SPOCK3: variants seen among roughly 807,000 people sequenced by gnomAD.
SPOCK3 encodes testican-3.
A neutral mutation model predicts 56.6 loss-of-function variants in SPOCK3; 30 were observed. The observed-to-expected ratio is 0.53, with a 90% CI of 0.40 to 0.72. The LOEUF (loss-of-function observed/expected upper bound fraction) is 0.72. Among genes scored for constraint, SPOCK3 ranks in the 30% least tolerant of loss-of-function variants. The probability of loss-of-function intolerance (pLI) is 0.00; values close to 1 mark genes in which losing one functional copy is unlikely to be tolerated. For synonymous variants in SPOCK3, 196 were observed against 183.3 expected, an observed-to-expected ratio of 1.07 and a Z score of -0.56; for missense variants, 527 against 530.0, an observed-to-expected ratio of 0.99 and a Z score of 0.06.
At chr4:167,157,383 T>A (rs2150430169) in intron 2 of SPOCK3, among the ~76,000 whole-genome samples, 1 of 152,148 alleles carries the variant, frequency 6.6e-6, no homozygotes, top group African/African-American at 2.4e-5. Flanking sequence ...GTTTAAATGT[T>A]ACTCATGCAA....
chr4:166,921,116 C>T (rs1404174915), intron 4 of SPOCK3, among the ~76,000 whole-genome samples: 3 of 152,120 alleles, frequency 2.0e-5, no homozygotes, highest in East Asian at 1.9e-4. Flanking sequence ...ATGAAACAAA[C>T]GATTAAGTGT....
chr4:167,234,904 A>G (rs1334581093), upstream of SPOCK3: 1 of 152,236 alleles, frequency 6.6e-6, no homozygotes, highest in East Asian at 1.9e-4. Context: ...CCTCTGCTCC[A>G]CAATTTCCAG....
At position 167,224,669 on chromosome 4, in the gene SPOCK3, G is replaced by GT. The variant is rs546711435; in HGVS notation, c.189+9315dup. Among the ~76,000 whole-genome samples the GT allele has an allele frequency of 1.5e-4, 23 of 151,188 alleles. No individual in the cohort carries two copies. The South Asian group carries it at 1.9e-3, about 12-fold the overall frequency. ...AATAAAAAAGTACTTAAACTTTGTT[G>GT]TTTTTTTTTAAGACTGAGTCTTGCT... On this transcript the variant is annotated intron_variant, in intron 2 of 10. Coordinates refer to ENST00000357545, the MANE Select transcript of SPOCK3 (RefSeq NM_001040159.2).
At chr4:167,146,728 A>G (rs1484834964) in intron 2 of SPOCK3, among the ~76,000 whole-genome samples, 1 of 152,138 alleles carries the variant, frequency 6.6e-6, no homozygotes, top group African/African-American at 2.4e-5. Flanking sequence ...AAATAATGAA[A>G]TTAAGAAGAA....
At chr4:167,112,857 A>C (rs1404869799) in intron 2 of SPOCK3, among the ~76,000 whole-genome samples, 1 of 151,990 alleles carries the variant, frequency 6.6e-6, no homozygotes, top group Non-Finnish European at 1.5e-5. Flanking sequence ...TTAAAAAAAA[A>C]AATCATATAT....
intron 6 of SPOCK3, chr4:166,883,324 T>C (rs1013340605): frequency 1.3e-5 from 2 of 152,186 alleles, no homozygotes; most frequent in African/African-American, 4.8e-5. Context: ...CTCAGTCCCA[T>C]ACCTTGTCAT....
chr4:167,038,025 A>G (rs535907887), intron 3 of SPOCK3, among the ~76,000 whole-genome samples: 1 of 152,262 alleles, frequency 6.6e-6, no homozygotes, highest in African/African-American at 2.4e-5. Context: ...TTTTCAGGAG[A>G]AGGACAATTA....
intron 6 of SPOCK3, among the ~76,000 whole-genome samples, chr4:166,857,274 G>A (rs533831547): frequency 3.9e-5 from 6 of 152,260 alleles, no homozygotes; most frequent in Non-Finnish European, 7.4e-5. Context: ...AGGGAATGTG[G>A]CCACCATATC....
At chr4:166,986,083 G>A (rs1238829466) in intron 4 of SPOCK3, among the ~76,000 whole-genome samples, 1 of 152,096 alleles carries the variant, frequency 6.6e-6, no homozygotes, top group East Asian at 1.9e-4. Context: ...CATTTCAATA[G>A]ATCTTCATGT....
intron 7 of SPOCK3, among the ~76,000 whole-genome samples, chr4:166,791,438 C>T (rs868760227): frequency 1.3e-5 from 2 of 152,104 alleles, no homozygotes; most frequent in African/African-American, 2.4e-5. Flanking sequence ...CTACTCCTTC[C>T]CCTTTTCTTG....
At chr4:166,786,634 T>G (rs1471774032) in intron 7 of SPOCK3, among the ~76,000 whole-genome samples, 5 of 152,340 alleles carry the variant, frequency 3.3e-5, no homozygotes, top group Middle Eastern at 6.8e-3. Context: ...AAAGACTAAC[T>G]TAAATATAAC....
intron 2 of SPOCK3, among the ~76,000 whole-genome samples, chr4:167,205,926 T>C (rs1268764916): frequency 1.3e-5 from 2 of 151,936 alleles, no homozygotes; most frequent in Non-Finnish European, 2.9e-5. Context: ...AATTTTTAAA[T>C]AGGAAAACTG....
At chr4:167,071,706 A>G (rs570383331) in intron 2 of SPOCK3, among the ~76,000 whole-genome samples, 1 of 152,186 alleles carries the variant, frequency 6.6e-6, no homozygotes, top group East Asian at 1.9e-4. Flanking sequence ...TCTTTATAGT[A>G]GCATGATTTA....
rs376870222 is a variant in SPOCK3, at chr4:166,772,194, T to G, written c.710-17465A>C. Among the ~76,000 whole-genome samples the G allele has an allele frequency of 7.2e-5, 11 of 152,206 alleles. No individual in the cohort carries two copies. In the South Asian group the frequency reaches 1.5e-3, roughly 20 times the overall value. On this transcript the variant is annotated intron_variant, in intron 7 of 10. Coordinates refer to ENST00000357545, the MANE Select transcript of SPOCK3 (RefSeq NM_001040159.2). ...TTATTGATCCTTACTTTTTTCACAT[T>G]TAAGATTTTAGAACTAGTGAACCAA...
chr4:167,055,378 G>A (rs2150229428), intron 3 of SPOCK3, among the ~76,000 whole-genome samples: 1 of 152,210 alleles, frequency 6.6e-6, no homozygotes, highest in East Asian at 1.9e-4. Context: ...GAGCAACGCA[G>A]AAGATGGGTG....
intron 4 of SPOCK3, among the ~76,000 whole-genome samples, chr4:166,931,021 C>T (rs557635848): frequency 5.0e-4 from 76 of 152,132 alleles, no homozygotes; most frequent in African/African-American, 1.7e-3. Context: ...TTCACTCTGT[C>T]GCCAAGCTGG....
At chr4:167,007,319 C>T (rs1053519232) in intron 3 of SPOCK3, among the ~76,000 whole-genome samples, 4 of 152,182 alleles carry the variant, frequency 2.6e-5, no homozygotes, top group Admixed American at 2.6e-4. Flanking sequence ...ATAATCTACA[C>T]ACATCCTCTT....
chr4:166,852,382 G>A (rs1330829052), intron 6 of SPOCK3, among the ~76,000 whole-genome samples: 2 of 151,906 alleles, frequency 1.3e-5, no homozygotes, highest in Non-Finnish European at 2.9e-5. Flanking sequence ...GAAAACTGAG[G>A]TGCTGCCATG....
chr4:166,857,612 T>G (rs981630502), intron 6 of SPOCK3, among the ~76,000 whole-genome samples: 37 of 152,100 alleles, frequency 2.4e-4, no homozygotes, highest in African/African-American at 8.9e-4. Flanking sequence ...TGGAAGAAAA[T>G]TTAAAAGTTG....
Sources: gnomAD v4.1 joint callset for allele counts (sites outside exome capture counted in the v4.1 genomes callset) on GRCh38, gnomAD v4.1.1 for gene constraint, MANE v1.5 for transcripts, NCBI Gene and HGNC (gene_info 2026-07-23, HGNC 2026-07-21) for gene names.